CFAP58: variants seen among roughly 807,000 people sequenced by gnomAD.
CFAP58 encodes the protein cilia and flagella associated protein 58, also known as cilia- and flagella-associated protein 58.
Under a neutral mutation model 119.5 loss-of-function variants are expected in CFAP58, and 88 were observed. The ratio of observed to expected loss-of-function variants is 0.74; its 90% CI spans 0.62 to 0.88. The LOEUF is 0.88. Ranked by LOEUF, CFAP58 falls within the 40% of genes least tolerant of loss-of-function variation. CFAP58 has a pLI of 0.00. For synonymous variants in CFAP58, 365 were observed against 366.3 expected, an observed-to-expected ratio of 1.00 and a Z score of 0.04; for missense variants, 990 against 1,021.2, an observed-to-expected ratio of 0.97 and a Z score of 0.42.
chr10:104,357,878 T>A (rs554413915), intron 1 of CFAP58, among the ~76,000 whole-genome samples: 1 of 119,608 alleles, frequency 8.4e-6, no homozygotes, highest in East Asian at 2.3e-4. Flanking sequence ...CACATATATG[T>A]ACACATATAT....
chr10:104,422,709 G>A lies in CFAP58; in HGVS notation c.2256+15916G>A, dbSNP rs180846600. ...GCCCAGGCTTACTCTCATGGTAACA[G>A]CCTTAGAGTCTCCAAGGCAGCAAGA... On this transcript the variant is annotated intron_variant, in intron 15 of 17. Transcript: ENST00000369704. Among the ~76,000 whole-genome samples, 9 of 152,326 alleles carry A rather than the reference G, an allele frequency of 5.9e-5. No homozygotes were observed. In the East Asian group the frequency reaches 1.5e-3, roughly 26 times the overall value.
intron 16 of CFAP58, 132 bp downstream of exon 16, chr10:104,447,949 A>C: frequency 8.6e-7 from 1 of 1,160,144 alleles, no homozygotes; most frequent in Non-Finnish European, 1.2e-6. Context: ...CAGCTCCCTT[A>C]GAGCTCTAGT....
In CFAP58 at chr10:104,454,506, CAGG is replaced by C; in HGVS notation, c.2596_2598del (p.Arg866del). On this transcript the variant is annotated inframe_deletion, in exon 18 of 18. Transcript: ENST00000369704. ...GTTTTACTGGGGGCGGATTTCCTCT[CAGG>C]TCAACCAAAATGACGTTCTAACCTG... The C allele has an allele frequency of 6.2e-7, 1 of 1,613,690 alleles. No individual in the cohort carries two copies.
intron 15 of CFAP58, among the ~76,000 whole-genome samples, chr10:104,414,836 AT>A (rs922452561): frequency 8.6e-5 from 13 of 151,730 alleles, no homozygotes; most frequent in African/African-American, 2.9e-4. Flanking sequence ...CGCCCGGCTA[AT>A]TTTTTTTGTA....
At chr10:104,443,570 T>C (rs953722577) in intron 15 of CFAP58, among the ~76,000 whole-genome samples, 3 of 152,282 alleles carry the variant, frequency 2.0e-5, no homozygotes, top group African/African-American at 7.2e-5. Context: ...AATTAGTTCC[T>C]CTCAGTCAGT....
intron 2 of CFAP58, among the ~76,000 whole-genome samples, chr10:104,359,393 C>CT (rs1296901268): frequency 6.6e-6 from 1 of 152,196 alleles, no homozygotes; most frequent in African/African-American, 2.4e-5. Context: ...AAACTACTCA[C>CT]TTTTAAGTGC....
chr10:104,441,203 A>T (rs1359081748), intron 15 of CFAP58, among the ~76,000 whole-genome samples: 2 of 152,120 alleles, frequency 1.3e-5, no homozygotes, highest in Non-Finnish European at 2.9e-5. Context: ...AGATTTTGCC[A>T]TGTTGGCCAG....
chr10:104,342,316 A>T, the CFAP58 span, among the ~76,000 whole-genome samples: 1 of 151,870 alleles, frequency 6.6e-6, no homozygotes, highest in African/African-American at 2.4e-5. Flanking sequence ...GGTGAAAAAA[A>T]CCCCTAATCT....
chr10:104,357,874 T>C lies in CFAP58; in HGVS notation c.10-467T>C, dbSNP rs546004264. Among the ~76,000 whole-genome samples the C allele has an allele frequency of 5.3e-4, 66 of 125,108 alleles. 1 individual carries two copies. The East Asian group carries it at 5.7e-3, about 11-fold the overall frequency. The allele number at this position is 125,108 out of a possible 152,430, so 82.1% of individuals were successfully genotyped here. On this transcript the variant is annotated intron_variant, in intron 1 of 17. Coordinates refer to ENST00000369704, the MANE Select transcript of CFAP58 (RefSeq NM_001008723.2). ...ACATATATACACATATATACACATA[T>C]ATGTACACATATATAAACATATATG...
At position 104,406,812 on chromosome 10, in the gene CFAP58, G is replaced by A. The variant is rs10786792; in HGVS notation, c.2256+19G>A. 0.28 allele frequency: 447,999 copies of A among 1,594,024 alleles called. 64,278 individuals are homozygous for A. Among genetic ancestry groups the A allele is most frequent in the East Asian group, 0.4 (17,830 of 44,760 alleles). On this transcript the variant is annotated intron_variant, in intron 15 of 17. Transcript: ENST00000369704. ...CCTCCAGGTAGCATTTTTGTTTTCT[G>A]TACTCATTGTACAAGTCCTTAGCAC...
intron 1 of CFAP58, among the ~76,000 whole-genome samples, chr10:104,357,976 T>TAC (rs199694394): frequency 7.5e-4 from 102 of 135,342 alleles, no homozygotes; most frequent in Admixed American, 1.0e-3. Context: ...TACACATATG[T>TAC]ACATATGTAC....
intron 15 of CFAP58, among the ~76,000 whole-genome samples, chr10:104,425,223 AT>A (rs1309575670): frequency 6.6e-6 from 1 of 152,176 alleles, no homozygotes; most frequent in African/African-American, 2.4e-5. Flanking sequence ...GAATAATAGA[AT>A]GCTTTTGAAG....
chr10:104,415,153 C>T (rs1337790745), intron 15 of CFAP58, among the ~76,000 whole-genome samples: 1 of 152,144 alleles, frequency 6.6e-6, no homozygotes, highest in East Asian at 1.9e-4. Flanking sequence ...AAGCAAGGCT[C>T]TGGAGTGGGC....
chr10:104,376,715 C>G (rs2011673657), intron 7 of CFAP58, 96 bp from the exon 8 acceptor site: 1 of 896,160 alleles, frequency 1.1e-6, no homozygotes, highest in East Asian at 2.7e-5. Context: ...TAGCTAGAGA[C>G]AAACATGTAA....
chr10:104,415,961 A>G (rs1214418985), intron 15 of CFAP58, among the ~76,000 whole-genome samples: 3 of 152,062 alleles, frequency 2.0e-5, no homozygotes, highest in Non-Finnish European at 2.9e-5. Context: ...TGCTTTCCCT[A>G]TGCACAGGCA....
rs2013143496 is a variant in CFAP58, at chr10:104,448,460, CTA to C, written c.2376+647_2376+648del. Among the ~76,000 whole-genome samples the C allele has an allele frequency of 4.6e-5, 7 of 152,322 alleles. No individual in the cohort carries two copies. The South Asian group carries it at 1.4e-3, about 32-fold the overall frequency. ...TTCTCAAAAGTTGTGCATGTTCACA[CTA>C]TATTTTGAGCTTCACCTTCTAAGCA... On this transcript the variant is annotated intron_variant, in intron 16 of 17. Coordinates refer to ENST00000369704, the MANE Select transcript of CFAP58 (RefSeq NM_001008723.2).
In CFAP58 at chr10:104,380,046, C is replaced by A; in HGVS notation, c.1191C>A (p.Val397=). Residue 397 remains valine, a synonymous_variant, in exon 9 of 18, where the codon GTC becomes GTA. Transcript: ENST00000369704. ...DILNKNMLKA[V]NATQKQTDLV... ...ATTTTTAGAACATGCTTAAGGCGGT[C>A]AATGCGACCCAGAAGCAGACAGACT... is the stretch of plus-strand genomic sequence containing the variant. 2 of 1,613,772 alleles carry A rather than the reference C, an allele frequency of 1.2e-6. No homozygotes were observed. The highest frequency in any genetic ancestry group is 2.2e-5 in the South Asian group (2 of 91,016).
chr10:104,449,666 C>T (rs1041732691), intron 16 of CFAP58, among the ~76,000 whole-genome samples: 1 of 152,172 alleles, frequency 6.6e-6, no homozygotes, highest in African/African-American at 2.4e-5. Context: ...TCAGATGAAT[C>T]ACACACTCTG....
rs1191993075 is a variant in CFAP58, at chr10:104,450,095, TATGAAG to T, written c.2402_2407del (p.Tyr801_Val803delinsLeu). ...GGTTTTGTCTTCAGAATTGAATATG[TATGAAG>T]TACAGAGCAAAGAATATAAATATGA... is the stretch of plus-strand genomic sequence containing the variant. On this transcript the variant is annotated inframe_deletion, in exon 17 of 18. Coordinates refer to ENST00000369704, the MANE Select transcript of CFAP58 (RefSeq NM_001008723.2). 6 of 1,605,376 alleles carry T rather than the reference TATGAAG, an allele frequency of 3.7e-6. No individual in the cohort carries two copies. The highest frequency in any genetic ancestry group is 4.2e-6 in the Non-Finnish European group (5 of 1,177,596).
Sources: gnomAD v4.1 joint callset for allele counts (sites outside exome capture counted in the v4.1 genomes callset) on GRCh38, gnomAD v4.1.1 for gene constraint, MANE v1.5 for transcripts, NCBI Gene and HGNC (gene_info 2026-07-23, HGNC 2026-07-21) for gene names.